The following ATP2B1 variants were observed in gnomAD, a reference collection of about 807,000 sequenced individuals.
ATP2B1 encodes the protein plasma membrane calcium-transporting ATPase 1.
ATP2B1 carries 14 observed loss-of-function variants against 124.2 expected under a neutral mutation model. That is an observed-to-expected ratio of 0.11 (90% confidence interval 0.07 to 0.18). ATP2B1 has a LOEUF of 0.18. Ranked by LOEUF, ATP2B1 falls within the 10% of genes least tolerant of loss-of-function variation. The pLI is 1.00. For missense variants in ATP2B1, 763 were observed against 1,466.1 expected (o/e 0.52, Z 7.83); for synonymous variants, 449 against 492.4 (o/e 0.91, Z 1.17).
chr12:89,628,401 C>CAA (rs567077317), intron 6 of ATP2B1, among the ~76,000 whole-genome samples: 15 of 79,616 alleles, frequency 1.9e-4, no homozygotes, highest in African/African-American at 6.1e-4. Context: ...GACTCCGTCT[C>CAA]AAAAAAAAAA....
chr12:89,622,902 T>C (rs749516278), intron 9 of ATP2B1, among the ~76,000 whole-genome samples: 14 of 152,174 alleles, frequency 9.2e-5, no homozygotes, highest in African/African-American at 2.7e-4. Flanking sequence ...TTCTAATCAA[T>C]TGAAAAATTA....
rs12580391 is a variant in ATP2B1 at position 89,707,109 on chromosome 12, C to T, written c.-222+1487G>A. On this transcript the variant is annotated intron_variant, in intron 1 of 20. Transcript: ENST00000428670. ...GGAGGAGGAGGACCCAAATGAAACG[C>T]ACAAGTACAAAAAGCAGATTCTCCT... 9.9e-5 allele frequency among the ~76,000 whole-genome samples: 15 copies of T among 152,138 alleles called. No homozygotes were observed. The East Asian group carries it at 2.5e-3, about 25-fold the overall frequency.
rs546963224 is a variant in ATP2B1, at chr12:89,706,369, G to A, written c.-222+2227C>T. ...TGTTTATTTTAGAATCTGTTAATAGGCCTACAGCTAAAAAAAAAAAAAAAA... is the reference window on the plus strand; with the variant it reads ...TGTTTATTTTAGAATCTGTTAATAGACCTACAGCTAAAAAAAAAAAAAAAA... On this transcript the variant is annotated intron_variant, in intron 1 of 20. Coordinates refer to ENST00000428670, the MANE Select transcript of ATP2B1 (RefSeq NM_001366521.1). Among the ~76,000 whole-genome samples the A allele has an allele frequency of 5.3e-5, 8 of 150,280 alleles. No homozygotes were observed. In the East Asian group the frequency reaches 1.4e-3, roughly 25 times the overall value.
chr12:89,668,673 G>A (rs1887579621), intron 1 of ATP2B1, among the ~76,000 whole-genome samples: 1 of 152,188 alleles, frequency 6.6e-6, no homozygotes, highest in African/African-American at 2.4e-5. Flanking sequence ...ACAGCATCTA[G>A]CCTATAAACA....
chr12:89,692,591 A>G (rs2136748585), intron 1 of ATP2B1, among the ~76,000 whole-genome samples: 1 of 152,364 alleles, frequency 6.6e-6, no homozygotes, highest in Middle Eastern at 3.4e-3. Flanking sequence ...TACAATAATC[A>G]TACAAATGCT....
chr12:89,622,833 G>GA (rs1489628385), intron 9 of ATP2B1, among the ~76,000 whole-genome samples: 1 of 152,074 alleles, frequency 6.6e-6, no homozygotes, highest in East Asian at 1.9e-4. Flanking sequence ...TAAAAAAGTA[G>GA]TTAACTTGTT....
At chr12:89,630,990 T>G (rs995600366) in intron 5 of ATP2B1, among the ~76,000 whole-genome samples, 2 of 151,920 alleles carry the variant, frequency 1.3e-5, no homozygotes, top group African/African-American at 2.4e-5. Context: ...CAGGCTGGTC[T>G]CAAACTCCTG....
rs11829436 is a variant in ATP2B1 at position 89,708,121 on chromosome 12, A to T, written c.-222+475T>A. On this transcript the variant is annotated intron_variant, in intron 1 of 20. Coordinates refer to ENST00000428670, the MANE Select transcript of ATP2B1 (RefSeq NM_001366521.1). Reference sequence around the variant, plus strand: ...CCAGGGGCCCCCGCTCCCCTCCCGCAGTGCGTCTGGGGGGCCGAGGCCAAG... The same window carrying T: ...CCAGGGGCCCCCGCTCCCCTCCCGCTGTGCGTCTGGGGGGCCGAGGCCAAG... Among the ~76,000 whole-genome samples the T allele has an allele frequency of 2.9e-4, 44 of 152,178 alleles. 1 individual carries two copies. The highest frequency in any genetic ancestry group is 1.1e-3 in the African/African-American group (44 of 41,536).
At chr12:89,637,432 G>A (rs1013095769) in intron 3 of ATP2B1, among the ~76,000 whole-genome samples, 12 of 142,776 alleles carry the variant, frequency 8.4e-5, no homozygotes, top group Non-Finnish European at 1.8e-4. Flanking sequence ...TCTTTTTTGA[G>A]ACAGAGTCTC....
At chr12:89,640,903 C>T (rs776650175) in intron 3 of ATP2B1, among the ~76,000 whole-genome samples, 2 of 152,322 alleles carry the variant, frequency 1.3e-5, no homozygotes, top group South Asian at 2.1e-4. Context: ...GCTGGCACCA[C>T]GTTTCCTGTA....
At position 89,603,323 on chromosome 12, in the gene ATP2B1, T is replaced by G. The variant is rs1876234955; in HGVS notation, c.2849-69A>C. ...TTAGATTTCAAGGAGGTATACAAAT[T>G]ACAACTTAGCTAGACCTTTTATTTG... On this transcript the variant is annotated intron_variant, in intron 17 of 20. Transcript: ENST00000428670. The surrounding 1 kb of genome is among the most constrained non-coding windows in gnomAD (Gnocchi z 4.3). The G allele has an allele frequency of 1.6e-6, 2 of 1,289,360 alleles. No individual in the cohort carries two copies. The highest frequency in any genetic ancestry group is 3.0e-5 in the African/African-American group (2 of 66,558). The allele number at this position is 1,289,360 out of a possible 1,614,324, so 79.9% of individuals were successfully genotyped here.
At chr12:89,600,929 G>A (rs896027168) in intron 19 of ATP2B1, among the ~76,000 whole-genome samples, 13 of 152,060 alleles carry the variant, frequency 8.5e-5, no homozygotes, top group Non-Finnish European at 1.8e-4. Context: ...GATTACAGGC[G>A]TGAGCCACCG....
chr12:89,707,723 G>A (rs1039308989), intron 1 of ATP2B1, among the ~76,000 whole-genome samples: 17 of 152,226 alleles, frequency 1.1e-4, no homozygotes, highest in Middle Eastern at 6.8e-3. Context: ...CCAGCGCTGC[G>A]AGTCCCGCAG....
At chr12:89,705,933 C>T (rs1442697913) in intron 1 of ATP2B1, among the ~76,000 whole-genome samples, 1 of 152,068 alleles carries the variant, frequency 6.6e-6, no homozygotes, top group Non-Finnish European at 1.5e-5. Context: ...TAATATTTTG[C>T]GGTTTGTAAG....
chr12:89,590,823 GCTT>G lies in ATP2B1; in HGVS notation c.*158_*160del. On this transcript the variant is annotated 3_prime_UTR_variant, in exon 21 of 21. Transcript: ENST00000428670. ...CACCCTCAGTCTGGCAGAAAGCTTT[GCTT>G]TTTTTTTTTTAAAAAAATAAATCTA... 1.3e-6 allele frequency: 1 copy of G among 779,226 alleles called. No homozygotes were observed. Among genetic ancestry groups the G allele is most frequent in the Non-Finnish European group, 2.0e-6 (1 of 509,510 alleles). The allele number at this position is 779,226 out of a possible 1,614,324, so 48.3% of individuals were successfully genotyped here.
At chr12:89,703,704 A>G (rs752703154) in intron 1 of ATP2B1, among the ~76,000 whole-genome samples, 3 of 152,182 alleles carry the variant, frequency 2.0e-5, no homozygotes, top group Non-Finnish European at 4.4e-5. Context: ...GTAACCACAG[A>G]TGGATCTTCT....
chr12:89,695,521 C>A (rs1486113965), intron 1 of ATP2B1, among the ~76,000 whole-genome samples: 2 of 151,966 alleles, frequency 1.3e-5, no homozygotes, highest in Non-Finnish European at 1.5e-5. Context: ...CCTGCCAAGA[C>A]ACCTTTAAAT....
intron 9 of ATP2B1, among the ~76,000 whole-genome samples, chr12:89,622,734 G>A (rs1275657749): frequency 2.0e-5 from 3 of 152,056 alleles, no homozygotes; most frequent in Admixed American, 1.3e-4. Context: ...TCAGTTTTGT[G>A]AAACACTAAC....
In ATP2B1 at chr12:89,603,166, A is replaced by G. The variant is rs1876207845; in HGVS notation, c.2937T>C (p.Phe979=). 2 of 1,613,784 alleles carry G rather than the reference A, an allele frequency of 1.2e-6. No individual in the cohort carries two copies. Among genetic ancestry groups the G allele is most frequent in the Non-Finnish European group, 1.7e-6 (2 of 1,179,908 alleles). Residue 979 remains phenylalanine (F), a synonymous_variant, in exon 18 of 21, where the codon TTT becomes TTC. Transcript: ENST00000428670. The surrounding 1 kb of genome is among the most constrained non-coding windows in gnomAD (Gnocchi z 4.3). ...SEHYTIVFNT[F]VLMQLFNEIN... The stretch of plus-strand genomic sequence containing the variant: ...TTTCGTTGAAAAGTTGCATCAGCAC[A>G]AAGGTATTAAAAACAATAGTATAAT...
Sources: gnomAD v4.1 joint callset for allele counts (sites outside exome capture counted in the v4.1 genomes callset) on GRCh38, gnomAD v4.1.1 for gene constraint, Gnocchi (gnomAD v3.1) non-coding constraint, MANE v1.5 for transcripts, NCBI Gene and HGNC (gene_info 2026-07-23, HGNC 2026-07-21) for gene names.